The following STX7 variants were observed in gnomAD, a reference collection of about 807,000 sequenced individuals.
STX7 encodes the protein syntaxin 7, also known as syntaxin-7.
A neutral mutation model predicts 39.6 loss-of-function variants in STX7; 34 were observed. The observed-to-expected ratio is 0.86, with a 90% CI of 0.65 to 1.14. The LOEUF (loss-of-function observed/expected upper bound fraction) is 1.14. STX7 is among the 50% of genes most tolerant of loss of function. The pLI is 0.00. For synonymous variants in STX7, 119 were observed against 99.1 expected (o/e 1.20, Z -1.19); for missense variants, 284 against 310.4 (o/e 0.92, Z 0.64).
In STX7 at chr6:132,468,392, G is replaced by T. The variant is rs1296594513; in HGVS notation, c.610+11C>A. ...GCTCTCACCTCCAAAATCTAAGTCA[G>T]CAGGTCTTACCTATTACATCTCCTT... On this transcript the variant is annotated intron_variant, in intron 8 of 9. Coordinates refer to ENST00000367941, the MANE Select transcript of STX7 (RefSeq NM_003569.3). The T allele has an allele frequency of 6.2e-7, 1 of 1,604,374 alleles. No individual in the cohort carries two copies. The highest frequency in any genetic ancestry group is 1.3e-5 in the African/African-American group (1 of 74,390).
intron 2 of STX7, among the ~76,000 whole-genome samples, chr6:132,482,507 A>C (rs115316047): frequency 6.6e-6 from 1 of 152,240 alleles, no homozygotes; most frequent in East Asian, 1.9e-4. Flanking sequence ...ATAGCTATTT[A>C]GTACAAGAGC....
At chr6:132,484,032 A>ATTAT (rs145732964) in intron 2 of STX7, among the ~76,000 whole-genome samples, 3,551 of 152,312 alleles carry the variant, frequency 0.023, 125 homozygotes, top group African/African-American at 0.08. Context: ...CATAAAAAGA[A>ATTAT]TTAAGAATAA....
At chr6:132,466,752 G>C (rs2114363941) in intron 8 of STX7, among the ~76,000 whole-genome samples, 1 of 152,152 alleles carries the variant, frequency 6.6e-6, no homozygotes, top group South Asian at 2.1e-4. Context: ...GGTGTAAAGG[G>C]GCACCTCAAA....
chr6:132,506,113 A>T (rs1267033426), intron 1 of STX7, among the ~76,000 whole-genome samples: 3 of 152,148 alleles, frequency 2.0e-5, no homozygotes, highest in African/African-American at 7.2e-5. Context: ...TGGATTAAAG[A>T]CTTAAAAGTA....
At chr6:132,506,481 C>T (rs1173942480) in intron 1 of STX7, among the ~76,000 whole-genome samples, 1 of 151,910 alleles carries the variant, frequency 6.6e-6, no homozygotes, top group Non-Finnish European at 1.5e-5. Flanking sequence ...TACAAATGGC[C>T]AAGAAGCACA....
Position 132,471,505 on chromosome 6 carries a change from C to G in STX7, c.345G>C (p.Glu115Asp). The change falls in exon 5 of 10, where the codon GAG becomes GAC. Residue 115 changes from glutamate to aspartate, a missense_variant. Coordinates refer to ENST00000367941, the MANE Select transcript of STX7 (RefSeq NM_003569.3). ...CTCTTACTCGAGCAACAAACTCTTT[C>G]TCTCGCTCAGCAGCCTGCCTCTGGA... ...QKVQRQAAER[E>D]KEFVARVRAS... 3 of 1,614,088 alleles carry G rather than the reference C, an allele frequency of 1.9e-6. No individual in the cohort carries two copies. The highest frequency in any genetic ancestry group is 2.5e-6 in the Non-Finnish European group (3 of 1,179,956).
At chr6:132,491,021 C>G (rs996621573) in intron 2 of STX7, among the ~76,000 whole-genome samples, 2 of 149,892 alleles carry the variant, frequency 1.3e-5, no homozygotes, top group Non-Finnish European at 2.9e-5. Flanking sequence ...CAGCACAGCA[C>G]AGCAGAGAGA....
chr6:132,473,403 T>C (rs997764729), intron 3 of STX7, among the ~76,000 whole-genome samples: 1 of 152,084 alleles, frequency 6.6e-6, no homozygotes, highest in Non-Finnish European at 1.5e-5. Flanking sequence ...CCTATGCATA[T>C]CCTCCCATAT....
intron 2 of STX7, among the ~76,000 whole-genome samples, chr6:132,502,390 A>G (rs1582682452): frequency 6.6e-6 from 1 of 152,320 alleles, no homozygotes; most frequent in South Asian, 2.1e-4. Flanking sequence ...TAATGCCCCG[A>G]GGGCCAAACC....
intron 9 of STX7, among the ~76,000 whole-genome samples, chr6:132,462,838 T>C (rs1466194622): frequency 6.6e-6 from 1 of 152,136 alleles, no homozygotes; most frequent in African/African-American, 2.4e-5. Context: ...AGATGGACTG[T>C]GAAATAAAGG....
intron 1 of STX7, 28 bp from the exon 2 acceptor site, chr6:132,503,616 T>C (rs924034752): frequency 6.6e-6 from 7 of 1,059,356 alleles, no homozygotes; most frequent in Non-Finnish European, 9.8e-6. Context: ...CACACAGATA[T>C]ATTTTTTAAG....
rs1385687125 is a variant in STX7 at position 132,453,219 on chromosome 6, G to A, written c.*7539C>T. The A allele has an allele frequency of 6.6e-6, 1 of 151,930 alleles. No individual in the cohort carries two copies. Among genetic ancestry groups the A allele is most frequent in the Admixed American group, 6.6e-5 (1 of 15,246 alleles). 9.4% of individuals were successfully genotyped at this position (151,930 alleles called of 1,614,324 possible). ...GGCAACAACAAAAAAAATGAACCCAGACCTAAGTCTCACATTTTATACAAA... is the reference window on the plus strand; with the variant it reads ...GGCAACAACAAAAAAAATGAACCCAAACCTAAGTCTCACATTTTATACAAA... On this transcript the variant is annotated 3_prime_UTR_variant, in exon 10 of 10. Transcript: ENST00000367941.
At chr6:132,512,188 C>T (rs1044283944) in intron 1 of STX7, among the ~76,000 whole-genome samples, 2 of 152,046 alleles carry the variant, frequency 1.3e-5, no homozygotes, top group Non-Finnish European at 2.9e-5. Flanking sequence ...CTTCCAGATT[C>T]TGGGCAAGTT....
chr6:132,470,698 T>C (rs1446089256), intron 5 of STX7, 72 bp from the exon 6 acceptor site: 4 of 1,033,832 alleles, frequency 3.9e-6, no homozygotes, highest in Non-Finnish European at 6.0e-6. Context: ...TAAACACTCA[T>C]ATTTTCCCTT....
Position 132,448,378 on chromosome 6 carries a change from G to C in STX7, c.*12380C>G, listed in dbSNP as rs771340773. 7.2e-5 allele frequency: 11 copies of C among 152,104 alleles called. No homozygotes were observed. Among genetic ancestry groups the C allele is most frequent in the African/African-American group, 1.2e-4 (5 of 41,418 alleles). 9.4% of individuals were successfully genotyped at this position (152,104 alleles called of 1,614,324 possible). The stretch of plus-strand genomic sequence containing the variant: ...CTAAAATTCATCTTTATTCTTAAGT[G>C]AAAGTCCCTTGTTTGTAAATTCTCA... On this transcript the variant is annotated 3_prime_UTR_variant, in exon 10 of 10. Transcript: ENST00000367941.
At chr6:132,495,690 T>C (rs1775405988) in intron 2 of STX7, among the ~76,000 whole-genome samples, 2 of 151,990 alleles carry the variant, frequency 1.3e-5, no homozygotes, top group Admixed American at 6.6e-5. Context: ...TGTGCAGTCA[T>C]GTGTTAAAAT....
chr6:132,482,681 T>G (rs1020696483), intron 2 of STX7, among the ~76,000 whole-genome samples: 2 of 152,104 alleles, frequency 1.3e-5, no homozygotes. Context: ...AAGAAGTAAT[T>G]TGAAGGAGTT....
At chr6:132,461,829 G>A (rs747800435) in intron 9 of STX7, 1 of 1,540,822 alleles carries the variant, frequency 6.5e-7, no homozygotes, top group South Asian at 1.2e-5. Context: ...AATGGCGTTT[G>A]TACCTCACAT....
intron 2 of STX7, among the ~76,000 whole-genome samples, chr6:132,486,989 T>G (rs1775151691): frequency 1.3e-5 from 2 of 152,156 alleles, no homozygotes; most frequent in Admixed American, 6.5e-5. Context: ...CTTCTTTTAC[T>G]GTCTTTATCT....
Sources: gnomAD v4.1 joint callset for allele counts (sites outside exome capture counted in the v4.1 genomes callset) on GRCh38, gnomAD v4.1.1 for gene constraint, MANE v1.5 for transcripts, NCBI Gene and HGNC (gene_info 2026-07-23, HGNC 2026-07-21) for gene names.